The following CHID1 variants were observed in gnomAD, a reference collection of about 807,000 sequenced individuals.
The protein encoded by CHID1 is chitinase domain-containing protein 1.
In CHID1, 44 loss-of-function variants were observed where a neutral mutation model predicts 55.4. The observed-to-expected ratio is 0.79, with a 90% CI of 0.62 to 1.02. CHID1 has a LOEUF of 1.02. Ranked by LOEUF, CHID1 falls within the 50% of genes least tolerant of loss-of-function variation. The pLI, the probability that CHID1 is intolerant of heterozygous loss-of-function variation, is 0.00. For synonymous variants in CHID1, 216 were observed against 212.9 expected, an observed-to-expected ratio of 1.01 and a Z score of -0.13; for missense variants, 491 against 515.3, an observed-to-expected ratio of 0.95 and a Z score of 0.46.
chr11:905,382 T>C (rs1385901440), intron 1 of CHID1, among the ~76,000 whole-genome samples: 2 of 152,174 alleles, frequency 1.3e-5, no homozygotes, highest in Non-Finnish European at 1.5e-5. Context: ...AAATTAAATA[T>C]TTGGGCCGGG....
upstream of CHID1, chr11:914,712 A>C: frequency 1.6e-5 from 6 of 371,146 alleles, no homozygotes; most frequent in South Asian, 2.3e-5. Flanking sequence ...GACAGATAGG[A>C]CCCTGTCTCA....
At chr11:895,815 A>C (rs1589872147) in intron 7 of CHID1, among the ~76,000 whole-genome samples, 1 of 152,030 alleles carries the variant, frequency 6.6e-6, no homozygotes, top group Admixed American at 6.5e-5. Flanking sequence ...AGAATGCCCA[A>C]AGGAATCTGC....
chr11:914,836 C>T (rs1392974221), upstream of CHID1: 3 of 332,388 alleles, frequency 9.0e-6, no homozygotes, highest in African/African-American at 4.4e-5. Flanking sequence ...GGTGGGGTCG[C>T]GGCGGCTCTG....
intron 10 of CHID1, among the ~76,000 whole-genome samples, chr11:873,792 C>T (rs906770765): frequency 6.6e-6 from 1 of 152,048 alleles, no homozygotes; most frequent in African/African-American, 2.4e-5. Flanking sequence ...ATTCTGGAAG[C>T]GTGTTAAACG....
At chr11:914,676 T>C (rs1170443320), upstream of CHID1, 1 of 644,584 alleles carries the variant, frequency 1.6e-6, no homozygotes, top group African/African-American at 1.9e-5. Context: ...TGAGCTGTGA[T>C]TGCACTGCTG....
At position 875,227 on chromosome 11, in the gene CHID1, G is replaced by A. The variant is rs561520977; in HGVS notation, c.960-4728C>T. On this transcript the variant is annotated intron_variant, in intron 10 of 12. Coordinates refer to ENST00000323578, the MANE Select transcript of CHID1 (RefSeq NM_023947.4). The surrounding 1 kb of genome is among the most constrained non-coding windows in gnomAD (Gnocchi z 4.7). ...AGGCCAGGTGCTCCTATCTTCACAG[G>A]TTTCAGTTGCCTCTCAGAGCTTGAG... 1.4e-4 allele frequency among the ~76,000 whole-genome samples: 22 copies of A among 152,362 alleles called. No individual in the cohort carries two copies. Among genetic ancestry groups the A allele is most frequent in the African/African-American group, 5.0e-4 (21 of 41,588 alleles).
chr11:890,903 C>T (rs941625731), intron 8 of CHID1, among the ~76,000 whole-genome samples: 5 of 152,168 alleles, frequency 3.3e-5, no homozygotes, highest in Non-Finnish European at 7.4e-5. Context: ...TGCCCCTCCC[C>T]GCAGCACGCA....
chr11:884,761 C>T (rs1231956071), intron 8 of CHID1, among the ~76,000 whole-genome samples: 1 of 152,204 alleles, frequency 6.6e-6, no homozygotes, highest in East Asian at 1.9e-4. Flanking sequence ...GGGGAAGGGG[C>T]GCCAGGGCAG....
At position 883,425 on chromosome 11, in the gene CHID1, G is replaced by A. The variant is rs1589840786; in HGVS notation, c.804-122C>T. On this transcript the variant is annotated intron_variant, in intron 9 of 12. Coordinates refer to ENST00000323578, the MANE Select transcript of CHID1 (RefSeq NM_023947.4). The stretch of plus-strand genomic sequence containing the variant: ...CTGCGGCTGACACCTCTAGAGAGTT[G>A]TAAAGAACAGAAGTCACCCATCAGA... 4 of 1,047,798 alleles carry A rather than the reference G, an allele frequency of 3.8e-6. No individual in the cohort carries two copies. In the East Asian group the frequency reaches 9.7e-5, roughly 25 times the overall value. 64.9% of individuals were successfully genotyped at this position (1,047,798 alleles called of 1,614,324 possible).
At chr11:906,242 T>C (rs1327573012) in intron 1 of CHID1, among the ~76,000 whole-genome samples, 1 of 127,096 alleles carries the variant, frequency 7.9e-6, no homozygotes, top group Non-Finnish European at 1.7e-5. Flanking sequence ...GCTGTGGGAC[T>C]TTTTTTTTTT....
intron 10 of CHID1, among the ~76,000 whole-genome samples, chr11:880,687 G>A (rs1189952067): frequency 6.6e-6 from 1 of 152,132 alleles, no homozygotes; most frequent in Non-Finnish European, 1.5e-5. Context: ...GGAATCAGGG[G>A]TGATGGCCTG....
intron 10 of CHID1, among the ~76,000 whole-genome samples, chr11:874,025 A>ATG (rs201025071): frequency 2.0e-5 from 3 of 151,586 alleles, no homozygotes; most frequent in South Asian, 2.1e-4. Flanking sequence ...GGACCTCCTG[A>ATG]TGTGTGTGTG....
intron 10 of CHID1, among the ~76,000 whole-genome samples, chr11:881,564 GTTGGGTGGTGAGGGAAAGGA>G (rs1393782749): frequency 0.48 from 13,665 of 28,572 alleles, 5,190 homozygotes; most frequent in Non-Finnish European, 0.57. Flanking sequence ...CGGGCGGTAG[GTTGGGTGGTGAGGGAAAGGA>G]CCACGTCGGG....
intron 1 of CHID1, among the ~76,000 whole-genome samples, chr11:907,758 C>A (rs904851170): frequency 2.6e-5 from 4 of 152,198 alleles, no homozygotes; most frequent in African/African-American, 9.7e-5. Context: ...ATGGCCTTCC[C>A]CTTGGGTCAC....
chr11:875,582 G>A lies in CHID1; in HGVS notation c.960-5083C>T, dbSNP rs900431706. The stretch of plus-strand genomic sequence containing the variant: ...GTTAGGAGAACACGGTGAGCATGAG[G>A]CCGGGGATCGGGGCTGGGGTTGCTG... On this transcript the variant is annotated intron_variant, in intron 10 of 12. Transcript: ENST00000323578. This position sits in a 1 kb window ranked among gnomAD's most constrained non-coding sequence, Gnocchi z 4.7. Among the ~76,000 whole-genome samples the A allele has an allele frequency of 1.6e-4, 24 of 152,324 alleles. No homozygotes were observed. Among genetic ancestry groups the A allele is most frequent in the African/African-American group, 5.3e-4 (22 of 41,576 alleles).
chr11:907,699 C>A (rs7128404), intron 1 of CHID1, among the ~76,000 whole-genome samples: 65,724 of 151,604 alleles, frequency 0.43, 15,090 homozygotes, highest in East Asian at 0.75. Context: ...GAGGCAGATA[C>A]CTGACAGGTG....
upstream of CHID1, chr11:914,561 C>T (rs1338375993): frequency 7.8e-7 from 1 of 1,289,408 alleles, no homozygotes; most frequent in Middle Eastern, 2.1e-4. Context: ...GGATGCCTCT[C>T]ACAGACATCC....
intron 10 of CHID1, among the ~76,000 whole-genome samples, chr11:874,073 C>G (rs929491236): frequency 1.3e-5 from 2 of 152,160 alleles, no homozygotes; most frequent in Non-Finnish European, 2.9e-5. Context: ...AGCTTGGAAA[C>G]TTTTGGAGAA....
At chr11:904,978 G>A (rs2134349373) in intron 1 of CHID1, 119 bp from the exon 2 acceptor site, 1 of 1,126,624 alleles carries the variant, frequency 8.9e-7, no homozygotes, top group South Asian at 1.5e-5. Context: ...GCACTGGATG[G>A]ACCCTTGGCC....
Sources: gnomAD v4.1 joint callset for allele counts (sites outside exome capture counted in the v4.1 genomes callset) on GRCh38, gnomAD v4.1.1 for gene constraint, Gnocchi (gnomAD v3.1) non-coding constraint, MANE v1.5 for transcripts, NCBI Gene and HGNC (gene_info 2026-07-23, HGNC 2026-07-21) for gene names.